The following MYRFL variants were observed in gnomAD, a reference collection of about 807,000 sequenced individuals.
MYRFL encodes myelin regulatory factor like, also known as myelin regulatory factor-like protein.
MYRFL carries 88 observed loss-of-function variants against 109.4 expected under a neutral mutation model. The observed-to-expected ratio is 0.80, with a 90% CI of 0.68 to 0.96. The LOEUF is 0.96. Among genes scored for constraint, MYRFL ranks in the 40% least tolerant of loss-of-function variants. The pLI, the probability that MYRFL is intolerant of heterozygous loss-of-function variation, is 0.00. For synonymous variants in MYRFL, 324 were observed against 320.9 expected (o/e 1.01, Z -0.10); for missense variants, 957 against 954.9 (o/e 1.00, Z -0.03).
At chr12:69,897,065 C>G in intron 9 of MYRFL, 91 bp from the exon 10 acceptor site, 1 of 848,494 alleles carries the variant, frequency 1.2e-6, no homozygotes. Flanking sequence ...TCGATAAGTT[C>G]ACTATTGATC....
chr12:69,958,331 T>G lies in MYRFL; in HGVS notation c.2646+8T>G, dbSNP rs74787767. ...TTCCGTGTAGCTGCACCGGTAAGCT[T>G]GCTTTTTCTTTTTCTTTTCAGTGAG... On this transcript the variant is annotated splice_region_variant and intron_variant, in intron 24 of 24. Transcript: ENST00000552032. 191,469 of 1,534,108 alleles carry G rather than the reference T, an allele frequency of 0.12. 13,569 individuals are homozygous for G. Among genetic ancestry groups the G allele is most frequent in the Non-Finnish European group, 0.14 (163,856 of 1,145,832 alleles).
At chr12:69,869,882 C>T (rs890420648) in intron 2 of MYRFL, among the ~76,000 whole-genome samples, 3 of 152,102 alleles carry the variant, frequency 2.0e-5, no homozygotes, top group Non-Finnish European at 4.4e-5. Flanking sequence ...TTGAGGGCAG[C>T]ATATATGTCA....
chr12:69,958,675 A>G lies in MYRFL; in HGVS notation c.*144A>G. ...AGGACTTTTTCAGGCTTTAGCTTCC[A>G]ACAGTTTTGAGACATTAATGAGGAG... On this transcript the variant is annotated 3_prime_UTR_variant, in exon 25 of 25. Transcript: ENST00000552032. The G allele has an allele frequency of 1.6e-6, 1 of 618,540 alleles. No individual in the cohort carries two copies. Among genetic ancestry groups the G allele is most frequent in the East Asian group, 2.8e-5 (1 of 35,396 alleles). 38.3% of individuals were successfully genotyped at this position (618,540 alleles called of 1,614,324 possible).
chr12:69,859,898 A>G (rs1884532742), intron 2 of MYRFL, among the ~76,000 whole-genome samples: 1 of 152,104 alleles, frequency 6.6e-6, no homozygotes, highest in Non-Finnish European at 1.5e-5. Context: ...ATTTGGTCCA[A>G]TATTAATCTA....
chr12:69,910,916 C>T lies in MYRFL; in HGVS notation c.1588C>T (p.Leu530Phe). The part of the protein sequence containing the change: ...CGNGETLENF[L>F]MVDKDQIFME... ...AAACGGAGAGACCTTGGAGAACTTC[C>T]TCATGGTGGATAAGGTAATCACTGA... The change falls in exon 13 of 25, where the codon CTC (leucine) becomes TTC (phenylalanine). Residue 530 changes from leucine (L) to phenylalanine (F), a missense_variant. Coordinates refer to ENST00000552032, the MANE Select transcript of MYRFL (RefSeq NM_182530.3). 1 of 1,534,006 alleles carries T rather than the reference C, an allele frequency of 6.5e-7. No homozygotes were observed. The highest frequency in any genetic ancestry group is 8.7e-7 in the Non-Finnish European group (1 of 1,145,278).
At chr12:69,944,476 T>A (rs12099758) in intron 19 of MYRFL, among the ~76,000 whole-genome samples, 4,554 of 144,906 alleles carry the variant, frequency 0.031, 236 homozygotes, top group African/African-American at 0.11. Flanking sequence ...TAGGTGGGAA[T>A]TGAACAATGA....
rs533882613 is a variant in MYRFL, at chr12:69,905,496, G to A, written c.1383+1652G>A. On this transcript the variant is annotated intron_variant, in intron 11 of 24. Transcript: ENST00000552032. ...GATAGAATAAAGAAAATCCTGGTCC[G>A]TGGTTAGAAGTCTAAGAGTTTAGTC... Among the ~76,000 whole-genome samples the A allele has an allele frequency of 2.2e-3, 331 of 152,266 alleles. 1 individual carries two copies. Among genetic ancestry groups the A allele is most frequent in the Non-Finnish European group, 3.9e-3 (263 of 68,032 alleles).
At chr12:69,932,463 A>G (rs1279660439) in intron 15 of MYRFL, 50 bp from the exon 16 acceptor site, 14 of 1,269,766 alleles carry the variant, frequency 1.1e-5, no homozygotes, top group Non-Finnish European at 1.5e-5. Flanking sequence ...CTCCCTTCTC[A>G]CAGTTAGAGT....
intron 11 of MYRFL, among the ~76,000 whole-genome samples, chr12:69,906,261 T>C (rs143293047): frequency 1.5e-3 from 224 of 152,098 alleles, no homozygotes; most frequent in Admixed American, 3.4e-3. Flanking sequence ...ATCCAAGACA[T>C]GGAGAAGATG....
chr12:69,951,298 G>T (rs1161356015), intron 19 of MYRFL, among the ~76,000 whole-genome samples: 1 of 152,146 alleles, frequency 6.6e-6, no homozygotes, highest in Non-Finnish European at 1.5e-5. Context: ...CAAGGTGTCA[G>T]CAGGTCTGAT....
chr12:69,938,647 T>A (rs946485997), intron 19 of MYRFL, among the ~76,000 whole-genome samples: 1 of 151,924 alleles, frequency 6.6e-6, no homozygotes, highest in Non-Finnish European at 1.5e-5. Flanking sequence ...AATGAAAAGG[T>A]TTAAAAGTAA....
chr12:69,829,781 C>A lies in MYRFL; in HGVS notation c.46+4218C>A, dbSNP rs114705774. On this transcript the variant is annotated intron_variant, in intron 1 of 24. Coordinates refer to ENST00000552032, the MANE Select transcript of MYRFL (RefSeq NM_182530.3). The stretch of plus-strand genomic sequence containing the variant: ...AAATGATAAATGTCTTAAGTGGTTC[C>A]TGTATATTATTTCTCTAAAATGTGA... Among the ~76,000 whole-genome samples the A allele has an allele frequency of 1.2e-3, 184 of 152,176 alleles. 2 individuals carry two copies. Among genetic ancestry groups the A allele is most frequent in the African/African-American group, 4.3e-3 (180 of 41,556 alleles).
intron 2 of MYRFL, among the ~76,000 whole-genome samples, chr12:69,871,934 T>G (rs1469790476): frequency 6.6e-6 from 1 of 152,238 alleles, no homozygotes; most frequent in Admixed American, 6.5e-5. Flanking sequence ...GACTTTTTGG[T>G]TCTATCAACT....
chr12:69,829,478 G>A (rs11177883), intron 1 of MYRFL, among the ~76,000 whole-genome samples: 5,093 of 152,028 alleles, frequency 0.034, 109 homozygotes, highest in East Asian at 0.062. Flanking sequence ...GGGAGGTTAA[G>A]CAGAATTGCT....
Position 69,936,102 on chromosome 12 carries a change from T to A in MYRFL, c.1917-11T>A. On this transcript the variant is annotated splice_polypyrimidine_tract_variant and intron_variant, in intron 16 of 24. Coordinates refer to ENST00000552032, the MANE Select transcript of MYRFL (RefSeq NM_182530.3). ...TGTTTTTTTTTTTTTTTTTTTTTTT[T>A]TTTTTGACAGTGCTTTGACGATAGT... The A allele has an allele frequency of 6.8e-7, 1 of 1,459,960 alleles. No homozygotes were observed. 90.4% of individuals were successfully genotyped at this position (1,459,960 alleles called of 1,614,324 possible). A position where few individuals can be genotyped will look rare whatever the true frequency, so the allele number is the denominator to read the frequency against.
chr12:69,891,624 C>CTTTTG (rs369781124), intron 7 of MYRFL, among the ~76,000 whole-genome samples: 1 of 18,728 alleles, frequency 5.3e-5, no homozygotes, highest in African/African-American at 2.6e-4. Flanking sequence ...TCTTTCTTTC[C>CTTTTG]TCCTTCCTTT....
At chr12:69,912,298 T>G (rs1175308154) in intron 13 of MYRFL, among the ~76,000 whole-genome samples, 1 of 152,266 alleles carries the variant, frequency 6.6e-6, no homozygotes, top group Non-Finnish European at 1.5e-5. Flanking sequence ...GGTTTTTTAT[T>G]GTGGTAAAAT....
chr12:69,856,803 T>C (rs2136322972), intron 2 of MYRFL, among the ~76,000 whole-genome samples: 1 of 152,140 alleles, frequency 6.6e-6, no homozygotes, highest in Non-Finnish European at 1.5e-5. Context: ...AAAAGTTTGT[T>C]AGATATGTTA....
chr12:69,909,817 G>A (rs1367254375), intron 11 of MYRFL, among the ~76,000 whole-genome samples, 152 bp from the exon 12 acceptor site: 3 of 152,208 alleles, frequency 2.0e-5, no homozygotes, highest in African/African-American at 7.2e-5. Context: ...AGGGCCAGCA[G>A]TTGGGTAATC....
Sources: gnomAD v4.1 joint callset for allele counts (sites outside exome capture counted in the v4.1 genomes callset) on GRCh38, gnomAD v4.1.1 for gene constraint, MANE v1.5 for transcripts, NCBI Gene and HGNC (gene_info 2026-07-23, HGNC 2026-07-21) for gene names.